The following ELL2 variants were observed in gnomAD, a reference collection of about 807,000 sequenced individuals.
The protein encoded by ELL2 is elongation factor for RNA polymerase II 2, also known as RNA polymerase II elongation factor ELL2.
ELL2 carries 21 observed loss-of-function variants against 72.8 expected under a neutral mutation model. The ratio of observed to expected loss-of-function variants is 0.29; its 90% CI spans 0.20 to 0.42. The LOEUF is 0.42. Ranked by LOEUF, ELL2 falls within the 10% of genes least tolerant of loss-of-function variation. The pLI, the probability that ELL2 is intolerant of heterozygous loss-of-function variation, is 1.00. For missense variants in ELL2, 568 were observed against 772.8 expected (o/e 0.73, Z 3.14); for synonymous variants, 266 against 283.2 (o/e 0.94, Z 0.61).
chr5:95,960,472 T>C (rs1284386715), intron 1 of ELL2, among the ~76,000 whole-genome samples: 2 of 151,980 alleles, frequency 1.3e-5, no homozygotes, highest in South Asian at 2.1e-4. Context: ...CCAATTACAG[T>C]GTATGTGCGC....
Position 95,942,993 on chromosome 5 carries a change from A to G in ELL2, c.195+9T>C, listed in dbSNP as rs1418275247. Reference sequence around the variant, plus strand: ...TAGATTTGTTTGTTAAATCAATAAGAGTACTCACCCCGTGGAGTCCTTGGA... The same window carrying G: ...TAGATTTGTTTGTTAAATCAATAAGGGTACTCACCCCGTGGAGTCCTTGGA... On this transcript the variant is annotated intron_variant, in intron 2 of 11. Transcript: ENST00000237853. 1 of 1,575,452 alleles carries G rather than the reference A, an allele frequency of 6.3e-7. No individual in the cohort carries two copies. Among genetic ancestry groups the G allele is most frequent in the Admixed American group, 1.8e-5 (1 of 54,646 alleles).
intron 3 of ELL2, among the ~76,000 whole-genome samples, chr5:95,918,877 C>CTTTTTTTTTTT (rs10644804): frequency 1.4e-5 from 2 of 142,720 alleles, no homozygotes; most frequent in Non-Finnish European, 3.0e-5. Context: ...CTTCCTCCTC[C>CTTTTTTTTTTT]TTTTTTTTTT....
Position 95,901,057 on chromosome 5 carries a change from G to A in ELL2, c.765C>T (p.Asp255=), listed in dbSNP as rs191831247. The A allele has an allele frequency of 1.9e-6, 3 of 1,608,382 alleles. No individual in the cohort carries two copies. In the Admixed American group the frequency reaches 5.1e-5, roughly 28 times the overall value. ...LQQVANLNSK[D]LSYTLKDYVF... Reference sequence around the variant, plus strand: ...CATAATCCTTTAAGGTATATGAGAGGTCCTTAGAATTCAGATTGGCTACCT... The same window carrying A: ...CATAATCCTTTAAGGTATATGAGAGATCCTTAGAATTCAGATTGGCTACCT... Residue 255 remains aspartate, a synonymous_variant, in exon 6 of 12, where the codon GAC becomes GAT. Transcript: ENST00000237853.
intron 1 of ELL2, among the ~76,000 whole-genome samples, chr5:95,961,132 A>G (rs1751830194): frequency 1.3e-5 from 2 of 152,068 alleles, no homozygotes; most frequent in Admixed American, 1.3e-4. Flanking sequence ...TGCCTATGTA[A>G]CTGGAAAACG....
intron 4 of ELL2, among the ~76,000 whole-genome samples, chr5:95,908,160 GAT>G (rs1229650070): frequency 6.6e-6 from 1 of 152,206 alleles, no homozygotes; most frequent in Non-Finnish European, 1.5e-5. Flanking sequence ...GAGTTTCAGA[GAT>G]AGATTTAGAT....
chr5:95,910,822 T>G (rs1007387953), intron 4 of ELL2, among the ~76,000 whole-genome samples: 2 of 152,206 alleles, frequency 1.3e-5, no homozygotes, highest in Admixed American at 6.5e-5. Context: ...ATAGGTAAAC[T>G]TCTGGCATCA....
At chr5:95,908,939 G>C (rs373038462) in intron 4 of ELL2, among the ~76,000 whole-genome samples, 4 of 152,068 alleles carry the variant, frequency 2.6e-5, no homozygotes, top group African/African-American at 9.7e-5. Flanking sequence ...CACTAGGACT[G>C]GTCATTTAGG....
chr5:95,903,943 C>T (rs538057122), intron 5 of ELL2, among the ~76,000 whole-genome samples: 6 of 152,254 alleles, frequency 3.9e-5, no homozygotes, highest in Admixed American at 1.3e-4. Flanking sequence ...TCACAGATTC[C>T]GTTCTTCCCC....
At chr5:95,901,759 C>A (rs763530435) in intron 5 of ELL2, among the ~76,000 whole-genome samples, 8 of 152,202 alleles carry the variant, frequency 5.3e-5, no homozygotes, top group Non-Finnish European at 8.8e-5. Context: ...GCTGTGGTAT[C>A]TCAGTGCATG....
intron 3 of ELL2, among the ~76,000 whole-genome samples, chr5:95,917,005 GGC>G (rs1346609067): frequency 6.6e-6 from 1 of 152,202 alleles, no homozygotes; most frequent in Non-Finnish European, 1.5e-5. Context: ...AAACGCTGTA[GGC>G]AAGAAGGTAC....
intron 1 of ELL2, among the ~76,000 whole-genome samples, chr5:95,951,747 A>C (rs1751413559): frequency 6.6e-6 from 1 of 152,180 alleles, no homozygotes; most frequent in Non-Finnish European, 1.5e-5. Flanking sequence ...TTATGGGGGA[A>C]GGGTAGAAAC....
At chr5:95,920,578 G>A (rs751091562) in intron 2 of ELL2, among the ~76,000 whole-genome samples, 5 of 151,730 alleles carry the variant, frequency 3.3e-5, no homozygotes, top group Non-Finnish European at 7.4e-5. Flanking sequence ...GAAGTCCCAG[G>A]AGCAAAGGGA....
intron 1 of ELL2, among the ~76,000 whole-genome samples, chr5:95,946,708 G>C (rs761878181): frequency 3.2e-4 from 49 of 152,310 alleles, no homozygotes; most frequent in Middle Eastern, 3.4e-3. Flanking sequence ...GTTTTGCAAA[G>C]ACTTTCCTCT....
intron 8 of ELL2, among the ~76,000 whole-genome samples, chr5:95,898,022 A>T (rs1748939506): frequency 6.6e-6 from 1 of 151,412 alleles, no homozygotes. Flanking sequence ...TTCAAATGCC[A>T]TTCTTATTAA....
chr5:95,894,820 C>A (rs1018773731), intron 9 of ELL2, among the ~76,000 whole-genome samples: 1 of 152,166 alleles, frequency 6.6e-6, no homozygotes, highest in African/African-American at 2.4e-5. Flanking sequence ...TAACATTGTC[C>A]ACCATGAGAT....
chr5:95,956,542 T>C (rs564884503), intron 1 of ELL2, among the ~76,000 whole-genome samples: 1 of 152,322 alleles, frequency 6.6e-6, no homozygotes, highest in South Asian at 2.1e-4. Context: ...GCTCAAGTGG[T>C]GGCTTAAGAA....
At chr5:95,920,501 G>A (rs969400797) in intron 2 of ELL2, among the ~76,000 whole-genome samples, 4 of 151,466 alleles carry the variant, frequency 2.6e-5, no homozygotes, top group Non-Finnish European at 4.4e-5. Flanking sequence ...TAGTAGAGAC[G>A]GGGTTTCACC....
At chr5:95,890,068 C>G (rs1169238386) in intron 10 of ELL2, among the ~76,000 whole-genome samples, 1 of 152,072 alleles carries the variant, frequency 6.6e-6, no homozygotes, top group East Asian at 1.9e-4. Context: ...CAAGGCCACA[C>G]AAATATTAAC....
At chr5:95,902,151 T>C (rs145720887) in intron 5 of ELL2, among the ~76,000 whole-genome samples, 5 of 152,332 alleles carry the variant, frequency 3.3e-5, no homozygotes, top group African/African-American at 1.2e-4. Flanking sequence ...AACCAAACAG[T>C]GCCCAAATGT....
Sources: gnomAD v4.1 joint callset for allele counts (sites outside exome capture counted in the v4.1 genomes callset) on GRCh38, gnomAD v4.1.1 for gene constraint, MANE v1.5 for transcripts, NCBI Gene and HGNC (gene_info 2026-07-23, HGNC 2026-07-21) for gene names.